BBX: variants seen among roughly 807,000 people sequenced by gnomAD.
The protein encoded by BBX is BBX high mobility group box domain containing.
In BBX, 30 loss-of-function variants were observed where a neutral mutation model predicts 100.2. That is an observed-to-expected ratio of 0.30 (90% CI 0.22 to 0.41). The LOEUF (loss-of-function observed/expected upper bound fraction) is 0.41, where lower values mean the gene tolerates loss of function less well. Among genes scored for constraint, BBX ranks in the 10% least tolerant of loss-of-function variants. BBX has a pLI of 1.00. For missense variants in BBX, 1,023 were observed against 1,129.8 expected (o/e 0.91, Z 1.35); for synonymous variants, 376 against 388.1 (o/e 0.97, Z 0.37).
intron 13 of BBX, among the ~76,000 whole-genome samples, chr3:107,783,953 A>T (rs1242487218): frequency 6.6e-6 from 1 of 152,102 alleles, no homozygotes; most frequent in East Asian, 1.9e-4. Context: ...ATCAAAAAAC[A>T]CTTGCACAGA....
At chr3:107,672,921 G>C (rs570279944) in intron 3 of BBX, among the ~76,000 whole-genome samples, 1 of 152,144 alleles carries the variant, frequency 6.6e-6, no homozygotes, top group South Asian at 2.1e-4. Context: ...AGTGATAAAT[G>C]AAAATGAAAA....
intron 2 of BBX, among the ~76,000 whole-genome samples, chr3:107,620,542 A>G (rs1338069819): frequency 1.3e-5 from 2 of 152,238 alleles, no homozygotes; most frequent in Admixed American, 1.3e-4. Flanking sequence ...AGACTGCTTT[A>G]GCAGCATGAA....
At chr3:107,675,463 C>G (rs1239198384) in intron 3 of BBX, among the ~76,000 whole-genome samples, 1 of 152,144 alleles carries the variant, frequency 6.6e-6, no homozygotes, top group African/African-American at 2.4e-5. Flanking sequence ...TGAGTCTGTT[C>G]TGTTGTCTCT....
At chr3:107,666,576 A>AT (rs1325654689) in intron 3 of BBX, among the ~76,000 whole-genome samples, 4 of 152,014 alleles carry the variant, frequency 2.6e-5, no homozygotes, top group African/African-American at 7.2e-5. Context: ...ATTATTCATT[A>AT]TTTTTTTTGA....
intron 10 of BBX, among the ~76,000 whole-genome samples, chr3:107,766,069 A>G (rs183316830): frequency 6.6e-6 from 1 of 152,336 alleles, no homozygotes; most frequent in East Asian, 1.9e-4. Flanking sequence ...AATGCTTTAA[A>G]AAGTCAAACG....
chr3:107,528,845 G>A (rs983359209), intron 2 of BBX, among the ~76,000 whole-genome samples: 2 of 152,036 alleles, frequency 1.3e-5, no homozygotes, highest in Non-Finnish European at 2.9e-5. Context: ...AAAATCACAG[G>A]CAATTTTTAA....
At chr3:107,538,293 TGGG>T (rs2048637761) in intron 2 of BBX, among the ~76,000 whole-genome samples, 1 of 152,186 alleles carries the variant, frequency 6.6e-6, no homozygotes, top group African/African-American at 2.4e-5. Context: ...TCTTGAGGAA[TGGG>T]ATCACACATG....
At chr3:107,614,133 G>A (rs2055070824) in intron 2 of BBX, among the ~76,000 whole-genome samples, 1 of 151,820 alleles carries the variant, frequency 6.6e-6, no homozygotes, top group African/African-American at 2.4e-5. Flanking sequence ...TGTATTTTTA[G>A]TTGAGACGGG....
chr3:107,596,407 T>A (rs1240540443), intron 2 of BBX, among the ~76,000 whole-genome samples: 1 of 152,210 alleles, frequency 6.6e-6, no homozygotes, highest in Admixed American at 6.5e-5. Context: ...TGTGCACTCA[T>A]GTCAGTTTTG....
chr3:107,706,022 C>CTT (rs35648451), intron 3 of BBX, among the ~76,000 whole-genome samples: 3,417 of 128,806 alleles, frequency 0.027, 99 homozygotes, highest in Middle Eastern at 0.036. Context: ...GAGCTTGCTA[C>CTT]TTTTTTTTTT....
chr3:107,638,776 A>AAT (rs1559904085), intron 2 of BBX, among the ~76,000 whole-genome samples: 1 of 62,644 alleles, frequency 1.6e-5, no homozygotes, highest in African/African-American at 4.7e-5. Context: ...AAAAAAAAAA[A>AAT]GTATACACAC....
At position 107,798,525 on chromosome 3, in the gene BBX, A is replaced by G. The variant is rs760152857; in HGVS notation, c.2356A>G (p.Ile786Val). 3 of 1,613,650 alleles carry G rather than the reference A, an allele frequency of 1.9e-6. No homozygotes were observed. Among genetic ancestry groups the G allele is most frequent in the South Asian group, 1.1e-5 (1 of 91,068 alleles). The change falls in exon 16 of 18, where the codon ATA becomes GTA. Residue 786 changes from isoleucine to valine, a missense_variant and splice_region_variant. By Grantham distance (29) the Ile-to-Val change is conservative. Coordinates refer to ENST00000325805, the MANE Select transcript of BBX (RefSeq NM_001142568.3). ...FLDAIHPTEA[I>V]FSEDRNTMEP... ...ATGCATGGTATTTCCTATTTCAGCC[A>G]TATTTTCAGAAGACAGAAACACCAT...
At chr3:107,778,568 A>C in intron 13 of BBX, 49 bp downstream of exon 13, 1 of 1,586,644 alleles carries the variant, frequency 6.3e-7, no homozygotes, top group African/African-American at 1.4e-5. Flanking sequence ...ATCTCAAGTG[A>C]CCCTTCAGCC....
chr3:107,748,057 TG>T lies in BBX; in HGVS notation c.825+19del. ...TTGCAGAGGTATGGCCTTTTTAAAA[TG>T]CTTTTTAGGCTAAGAAAACTTGTTG... On this transcript the variant is annotated intron_variant, in intron 9 of 17. Coordinates refer to ENST00000325805, the MANE Select transcript of BBX (RefSeq NM_001142568.3). The T allele has an allele frequency of 6.2e-7, 1 of 1,604,630 alleles. No individual in the cohort carries two copies. Among genetic ancestry groups the T allele is most frequent in the Non-Finnish European group, 8.5e-7 (1 of 1,173,486 alleles).
chr3:107,767,327 G>A (rs912112142), intron 10 of BBX, among the ~76,000 whole-genome samples: 2 of 152,070 alleles, frequency 1.3e-5, no homozygotes, highest in Non-Finnish European at 2.9e-5. Context: ...CAGGGAACTG[G>A]TAAAGAGGCA....
intron 6 of BBX, among the ~76,000 whole-genome samples, chr3:107,730,493 C>CT (rs370876456): frequency 0.46 from 65,395 of 141,448 alleles, 15,344 homozygotes; most frequent in African/African-American, 0.56. Flanking sequence ...TTGTTGTTGG[C>CT]TTTTTTTTTT....
chr3:107,584,712 G>A (rs1367385334), intron 2 of BBX, among the ~76,000 whole-genome samples: 2 of 101,390 alleles, frequency 2.0e-5, no homozygotes, highest in African/African-American at 8.2e-5. Flanking sequence ...TTTTTTTGAG[G>A]TGGAGTCTCA....
At chr3:107,681,937 G>A (rs2107998939) in intron 3 of BBX, among the ~76,000 whole-genome samples, 1 of 152,162 alleles carries the variant, frequency 6.6e-6, no homozygotes, top group South Asian at 2.1e-4. Context: ...GATCACTGGG[G>A]AAGCTGCACC....
intron 12 of BBX, 29 bp from the exon 13 acceptor site, chr3:107,778,342 T>C (rs1219321890): frequency 2.5e-6 from 4 of 1,612,050 alleles, no homozygotes; most frequent in Non-Finnish European, 3.4e-6. Context: ...GGTCATGTGC[T>C]GATTGATTCC....
Sources: gnomAD v4.1 joint callset for allele counts (sites outside exome capture counted in the v4.1 genomes callset) on GRCh38, gnomAD v4.1.1 for gene constraint, MANE v1.5 for transcripts, NCBI Gene and HGNC (gene_info 2026-07-23, HGNC 2026-07-21) for gene names.